The following TNR variants were observed in gnomAD, a reference collection of about 807,000 sequenced individuals.
TNR encodes tenascin-R.
A neutral mutation model predicts 150.4 loss-of-function variants in TNR; 45 were observed. That is an observed-to-expected ratio of 0.30 (90% CI 0.24 to 0.38). The LOEUF (loss-of-function observed/expected upper bound fraction) is 0.38. Among genes scored for constraint, TNR ranks in the 10% least tolerant of loss-of-function variants. The pLI is 1.00. For missense variants in TNR, 1,544 were observed against 1,759.1 expected (o/e 0.88, Z 2.19); for synonymous variants, 687 against 678.4 (o/e 1.01, Z -0.20).
At chr1:175,646,051 G>A (rs1479274259) in intron 1 of TNR, among the ~76,000 whole-genome samples, 2 of 152,212 alleles carry the variant, frequency 1.3e-5, no homozygotes, top group Admixed American at 6.5e-5. Flanking sequence ...AAGGAGGTAA[G>A]TTTGGGGTAG....
intron 2 of TNR, among the ~76,000 whole-genome samples, chr1:175,476,849 C>G (rs1336483470): frequency 6.6e-6 from 1 of 152,152 alleles, no homozygotes; most frequent in East Asian, 1.9e-4. Flanking sequence ...TGGGTGAGGG[C>G]AGCAAACTCA....
chr1:175,731,871 C>T (rs978235324), intron 1 of TNR, among the ~76,000 whole-genome samples: 5 of 152,344 alleles, frequency 3.3e-5, no homozygotes, highest in Admixed American at 3.3e-4. Flanking sequence ...CTCAGGCCTG[C>T]CCAGACCCCA....
chr1:175,630,497 C>G (rs1664292506), intron 1 of TNR, among the ~76,000 whole-genome samples: 1 of 152,218 alleles, frequency 6.6e-6, no homozygotes, highest in Non-Finnish European at 1.5e-5. Context: ...ACATACTTCA[C>G]TACTGGTCTA....
intron 2 of TNR, among the ~76,000 whole-genome samples, chr1:175,498,733 G>A (rs1658593313): frequency 6.6e-6 from 1 of 152,220 alleles, no homozygotes; most frequent in South Asian, 2.1e-4. Context: ...AGCTGGCAGA[G>A]TGCAAGGAGG....
chr1:175,384,436 G>T (rs1216797074), intron 8 of TNR, among the ~76,000 whole-genome samples: 4 of 152,228 alleles, frequency 2.6e-5, no homozygotes, highest in African/African-American at 7.2e-5. Context: ...GGCACCCCCT[G>T]GGTGACAGGG....
intron 10 of TNR, among the ~76,000 whole-genome samples, chr1:175,366,372 G>A (rs1651842496): frequency 6.6e-6 from 1 of 152,200 alleles, no homozygotes; most frequent in Non-Finnish European, 1.5e-5. Context: ...TGATACCACT[G>A]GATTGCATCC....
chr1:175,626,467 A>G (rs1664161723), intron 1 of TNR, among the ~76,000 whole-genome samples: 1 of 152,018 alleles, frequency 6.6e-6, no homozygotes, highest in Non-Finnish European at 1.5e-5. Flanking sequence ...GGGCTCTTGC[A>G]TTTCATAGCT....
intron 1 of TNR, among the ~76,000 whole-genome samples, chr1:175,549,867 A>G (rs1660865716): frequency 6.6e-6 from 1 of 152,106 alleles, no homozygotes; most frequent in South Asian, 2.1e-4. Flanking sequence ...GCTGGTCAAC[A>G]CCATGATCCC....
At chr1:175,606,271 C>T (rs1034942843) in intron 1 of TNR, among the ~76,000 whole-genome samples, 1 of 152,142 alleles carries the variant, frequency 6.6e-6, no homozygotes, top group Non-Finnish European at 1.5e-5. Flanking sequence ...TTCTACTGGG[C>T]CACCAAGCAG....
chr1:175,346,358 C>T (rs140028287), intron 18 of TNR, among the ~76,000 whole-genome samples: 60 of 152,030 alleles, frequency 3.9e-4, no homozygotes, highest in African/African-American at 1.2e-3. Context: ...GGAGGTGAAG[C>T]GGGTAGGGAG....
chr1:175,396,266 A>C (rs1653420215), intron 5 of TNR, among the ~76,000 whole-genome samples: 1 of 152,230 alleles, frequency 6.6e-6, no homozygotes, highest in African/African-American at 2.4e-5. Flanking sequence ...GTCAGAGTCT[A>C]GCTTATAACA....
At position 175,318,928 on chromosome 1, in the gene TNR, T is replaced by G. The variant is rs1648915021; in HGVS notation, c.*4429A>C. The G allele has an allele frequency of 6.6e-6, 1 of 152,146 alleles. No homozygotes were observed. The highest frequency in any genetic ancestry group is 1.9e-4 in the East Asian group (1 of 5,184). The allele number at this position is 152,146 out of a possible 1,614,324, so 9.4% of individuals were successfully genotyped here. A position where few individuals can be genotyped will look rare whatever the true frequency, so the allele number is the denominator to read the frequency against. On this transcript the variant is annotated 3_prime_UTR_variant, in exon 23 of 23. Transcript: ENST00000367674. ...CAAGTGAAAACAAATTATCCCAACTTCTTTGGGATTATTGAAACTGAACTG... is the reference window on the plus strand; with the variant it reads ...CAAGTGAAAACAAATTATCCCAACTGCTTTGGGATTATTGAAACTGAACTG...
At chr1:175,471,573 T>A (rs1212326847) in intron 2 of TNR, among the ~76,000 whole-genome samples, 1 of 152,136 alleles carries the variant, frequency 6.6e-6, no homozygotes, top group Non-Finnish European at 1.5e-5. Flanking sequence ...AAATACAGCA[T>A]AAAGGATTTA....
chr1:175,740,438 C>CA (rs55948258), intron 1 of TNR, among the ~76,000 whole-genome samples: 23,518 of 150,150 alleles, frequency 0.16, 2,197 homozygotes, highest in Middle Eastern at 0.24. Flanking sequence ...TTTTTTTCAA[C>CA]AAAAAAAAAG....
chr1:175,692,082 C>T (rs1475197453), intron 1 of TNR, among the ~76,000 whole-genome samples: 2 of 152,158 alleles, frequency 1.3e-5, no homozygotes, highest in Non-Finnish European at 2.9e-5. Context: ...AGTCAAAATG[C>T]TATTACCAGA....
At chr1:175,507,575 T>C (rs913936833) in intron 2 of TNR, among the ~76,000 whole-genome samples, 9 of 151,016 alleles carry the variant, frequency 6.0e-5, no homozygotes, top group Non-Finnish European at 1.3e-4. Flanking sequence ...ACCTGACACA[T>C]ACCCCATACT....
At chr1:175,713,879 G>A (rs1667085896) in intron 1 of TNR, among the ~76,000 whole-genome samples, 1 of 152,164 alleles carries the variant, frequency 6.6e-6, no homozygotes, top group Admixed American at 6.5e-5. Context: ...AAAGGAAGAT[G>A]AATTAAGAGT....
At chr1:175,445,943 C>T (rs1199411257) in intron 2 of TNR, among the ~76,000 whole-genome samples, 4 of 152,148 alleles carry the variant, frequency 2.6e-5, no homozygotes, top group South Asian at 2.1e-4. Flanking sequence ...TAATTTCATT[C>T]GAGCCATTAT....
intron 2 of TNR, among the ~76,000 whole-genome samples, chr1:175,415,269 C>T (rs1039316100): frequency 3.3e-5 from 5 of 152,134 alleles, no homozygotes; most frequent in Non-Finnish European, 7.3e-5. Context: ...TACAGCCGGC[C>T]CCATTGTGTC....
Sources: allele counts gnomAD v4.1 joint callset (sites outside exome capture counted in the v4.1 genomes callset), GRCh38; gene constraint gnomAD v4.1.1; transcripts MANE v1.5; gene names NCBI Gene and HGNC (gene_info 2026-07-23, HGNC 2026-07-21).